RIMS2: variants seen among roughly 807,000 people sequenced by gnomAD.
RIMS2 encodes the protein regulating synaptic membrane exocytosis 2.
RIMS2 carries 59 observed loss-of-function variants against 174.4 expected under a neutral mutation model. The observed-to-expected ratio is 0.34, with a 90% confidence interval of 0.27 to 0.42. RIMS2 has a LOEUF of 0.42. Among genes scored for constraint, RIMS2 ranks in the 10% least tolerant of loss-of-function variants. The pLI is 1.00. For missense variants in RIMS2, 1,620 were observed against 1,666.3 expected, an observed-to-expected ratio of 0.97 and a Z score of 0.48; for synonymous variants, 606 against 572.5, an observed-to-expected ratio of 1.06 and a Z score of -0.84.
intron 17 of RIMS2, among the ~76,000 whole-genome samples, chr8:104,002,691 G>T (rs1432095614): frequency 6.6e-6 from 1 of 152,130 alleles, no homozygotes; most frequent in South Asian, 2.1e-4. Context: ...AAATGAATGG[G>T]ATGAAGGTAG....
intron 1 of RIMS2, among the ~76,000 whole-genome samples, chr8:103,660,779 A>G (rs1028673891): frequency 2.0e-5 from 3 of 152,220 alleles, no homozygotes; most frequent in Non-Finnish European, 4.4e-5. Flanking sequence ...CAAGGCAGGG[A>G]TAAGTAAATA....
intron 1 of RIMS2, among the ~76,000 whole-genome samples, chr8:103,640,001 T>G (rs947011991): frequency 1.3e-5 from 2 of 151,930 alleles, no homozygotes; most frequent in African/African-American, 4.8e-5. Context: ...ATTTAAATTT[T>G]CTTATATTTA....
intron 17 of RIMS2, among the ~76,000 whole-genome samples, chr8:103,997,028 G>A (rs751441645): frequency 2.9e-4 from 44 of 151,786 alleles, no homozygotes; most frequent in South Asian, 6.2e-4. Context: ...AAGAGGAGAC[G>A]AAAGAATTTT....
At chr8:103,918,599 A>AT in intron 9 of RIMS2, 112 bp downstream of exon 12, 9 of 790,388 alleles carry the variant, frequency 1.1e-5, no homozygotes, top group Non-Finnish European at 2.0e-5. Flanking sequence ...CCTTGTTATC[A>AT]AGTCTGTAAG....
chr8:104,030,997 T>C (rs962332029), intron 19 of RIMS2, among the ~76,000 whole-genome samples: 18 of 152,116 alleles, frequency 1.2e-4, no homozygotes, highest in African/African-American at 4.3e-4. Context: ...AGGTGCTGAA[T>C]ATATATTTAT....
At chr8:104,246,531 T>A (rs1253842387) in intron 20 of RIMS2, among the ~76,000 whole-genome samples, 1 of 152,010 alleles carries the variant, frequency 6.6e-6, no homozygotes, top group African/African-American at 2.4e-5. Context: ...ATAAGAAAAA[T>A]TGTTAAAATG....
chr8:103,785,144 G>A (rs1390878417), intron 3 of RIMS2, among the ~76,000 whole-genome samples: 1 of 143,620 alleles, frequency 7.0e-6, no homozygotes, highest in Non-Finnish European at 1.5e-5. Context: ...TGCTGAAGTT[G>A]CTTACCAGCT....
At chr8:103,992,212 G>A (rs993519365) in intron 17 of RIMS2, among the ~76,000 whole-genome samples, 5 of 150,538 alleles carry the variant, frequency 3.3e-5, no homozygotes, top group Middle Eastern at 3.5e-3. Context: ...AGGTTCAAGC[G>A]ATTCTCCTGC....
chr8:104,144,505 G>A (rs967434855), intron 19 of RIMS2, among the ~76,000 whole-genome samples: 7 of 151,982 alleles, frequency 4.6e-5, no homozygotes, highest in African/African-American at 1.4e-4. Flanking sequence ...TGCTCTTTTC[G>A]TTTGTCTGTT....
intron 20 of RIMS2, 74 bp from the exon 27 acceptor site, chr8:104,248,627 C>T (rs552402838): frequency 1.2e-6 from 1 of 835,378 alleles, no homozygotes; most frequent in African/African-American, 1.7e-5. Flanking sequence ...AATAATGAGG[C>T]TAGAATGAAA....
intron 2 of RIMS2, among the ~76,000 whole-genome samples, chr8:103,751,256 T>A (rs945825103): frequency 3.9e-5 from 6 of 152,142 alleles, no homozygotes; most frequent in Non-Finnish European, 8.8e-5. Context: ...TTCATCCATG[T>A]CCCTACAAAG....
At chr8:103,644,125 G>GC (rs2096281254) in intron 1 of RIMS2, among the ~76,000 whole-genome samples, 1 of 151,452 alleles carries the variant, frequency 6.6e-6, no homozygotes, top group African/African-American at 2.4e-5. Context: ...AAGTGTGTTG[G>GC]CACCCGTAAG....
chr8:104,109,113 T>G (rs1226763946), intron 19 of RIMS2, among the ~76,000 whole-genome samples: 2 of 151,726 alleles, frequency 1.3e-5, no homozygotes, highest in Non-Finnish European at 2.9e-5. Context: ...TTGGCTAACA[T>G]GGTGAAACCC....
intron 13 of RIMS2, among the ~76,000 whole-genome samples, chr8:103,937,014 C>A (rs931750012): frequency 6.6e-6 from 1 of 151,954 alleles, no homozygotes; most frequent in East Asian, 1.9e-4. Flanking sequence ...AGGAGAATGG[C>A]GTGAGCCCGG....
exon 17 of RIMS2, chr8:103,989,413 T>C (rs768682103): frequency 1.3e-6 from 2 of 1,536,378 alleles, no homozygotes; most frequent in Non-Finnish European, 1.8e-6. Flanking sequence ...ATTCTCCAGA[T>C]AGAGACAGGT....
chr8:103,752,386 A>G lies in RIMS2; in HGVS notation c.388-13841A>G, dbSNP rs568162699. ...GTATAGTTAGAAGTCAGGTAGCGTG[A>G]TGCCTCCAGCTTTGTTCTTTTGGCT... is the stretch of plus-strand genomic sequence containing the variant. On this transcript the variant is annotated intron_variant, in intron 2 of 23. Transcript: ENST00000504942. 6.6e-5 allele frequency among the ~76,000 whole-genome samples: 10 copies of G among 152,270 alleles called. No homozygotes were observed. The South Asian group carries it at 2.1e-3, about 32-fold the overall frequency.
In RIMS2 at chr8:103,843,916, T is replaced by A. The variant is rs1005094937; in HGVS notation, c.699-41382T>A. ...CCAAATCTCATCTTGAATTCCCACG[T>A]GTTGTGGGAGGGACCCAGTAGGAGG... On this transcript the variant is annotated intron_variant, in intron 3 of 23. Transcript: ENST00000504942. Among the ~76,000 whole-genome samples the A allele has an allele frequency of 3.3e-5, 5 of 152,150 alleles. No homozygotes were observed. In the East Asian group the frequency reaches 9.6e-4, roughly 29 times the overall value.
rs903587012 is a variant in RIMS2 at position 103,916,352 on chromosome 8, T to TA, written c.1913-60dup. ...AGTTTATTGAAGTTTAAGATGCTCT[T>TA]AAGTGTAATTTGTCAGATCAAATTT... On this transcript the variant is annotated intron_variant, in intron 7 of 23. Coordinates refer to ENST00000504942, the Ensembl canonical transcript of RIMS2. 6 of 1,228,866 alleles carry TA rather than the reference T, an allele frequency of 4.9e-6. No individual in the cohort carries two copies. In the African/African-American group the frequency reaches 7.6e-5, roughly 15 times the overall value. 76.1% of individuals were successfully genotyped at this position (1,228,866 alleles called of 1,614,324 possible). A position where few individuals can be genotyped will look rare whatever the true frequency, so the allele number is the denominator to read the frequency against.
Position 103,962,611 on chromosome 8 carries a change from TATTG to T in RIMS2, c.2770+1499_2770+1502del, listed in dbSNP as rs202230469. On this transcript the variant is annotated intron_variant, in intron 15 of 23. Coordinates refer to ENST00000504942, the Ensembl canonical transcript of RIMS2. ...TCGTAATATACTACACTTTATTTTT[TATTG>T]ATTGATTGATTGATTGATTGGTTTT... Among the ~76,000 whole-genome samples the T allele has an allele frequency of 8.1e-3, 1,230 of 152,218 alleles. 18 individuals are homozygous for T. Among genetic ancestry groups the T allele is most frequent in the African/African-American group, 0.028 (1,171 of 41,536 alleles).
Sources: gnomAD v4.1 joint callset for allele counts (sites outside exome capture counted in the v4.1 genomes callset) on GRCh38, gnomAD v4.1.1 for gene constraint, MANE v1.5 for transcripts, NCBI Gene and HGNC (gene_info 2026-07-23, HGNC 2026-07-21) for gene names.